Variants in RSRC2 observed in about 807,000 individuals in gnomAD.
The protein encoded by RSRC2 is arginine and serine rich coiled-coil 2.
Under a neutral mutation model 61.3 loss-of-function variants are expected in RSRC2, and 5 were observed. The ratio of observed to expected loss-of-function variants is 0.08; its 90% CI spans 0.04 to 0.17. The LOEUF is 0.17. Ranked by LOEUF, RSRC2 falls within the 10% of genes least tolerant of loss-of-function variation. The probability of loss-of-function intolerance (pLI) is 1.00; values close to 1 mark genes in which losing one functional copy is unlikely to be tolerated. For synonymous variants in RSRC2, 202 were observed against 166.5 expected (o/e 1.21, Z -1.64); for missense variants, 381 against 518.8 (o/e 0.73, Z 2.58).
In RSRC2 at chr12:122,517,141, C is replaced by T. The variant is rs1355500278; in HGVS notation, c.602+86G>A. 1.9e-6 allele frequency: 3 copies of T among 1,577,308 alleles called. No individual in the cohort carries two copies. In the African/African-American group the frequency reaches 4.1e-5, roughly 21 times the overall value. On this transcript the variant is annotated intron_variant, in intron 5 of 9. Coordinates refer to ENST00000331738, the MANE Select transcript of RSRC2 (RefSeq NM_023012.6). Reference sequence around the variant, plus strand: ...ATAATCTATAAATAGAATTGTGACTCACAATTTTAATACTCTCTTACTGAG... The same window carrying T: ...ATAATCTATAAATAGAATTGTGACTTACAATTTTAATACTCTCTTACTGAG...
chr12:122,509,009 T>C (rs1339329656), intron 7 of RSRC2, among the ~76,000 whole-genome samples: 4 of 151,714 alleles, frequency 2.6e-5, no homozygotes, highest in Non-Finnish European at 5.9e-5. Flanking sequence ...ATTCTGCAAA[T>C]AGTAAGAAAG....
chr12:122,509,056 G>A (rs1422262043), intron 7 of RSRC2, among the ~76,000 whole-genome samples: 3 of 151,996 alleles, frequency 2.0e-5, no homozygotes, highest in Non-Finnish European at 4.4e-5. Flanking sequence ...GTGTTTCTAA[G>A]GTATAATTAC....
chr12:122,513,122 A>G lies in RSRC2; in HGVS notation c.726-1934T>C, dbSNP rs555723160. The stretch of plus-strand genomic sequence containing the variant: ...AGGCACGAGAATTGCCTGAACCCAG[A>G]AGGCAGAGGTTGCAGTGAGCCAAGA... On this transcript the variant is annotated intron_variant, in intron 6 of 9. Coordinates refer to ENST00000331738, the MANE Select transcript of RSRC2 (RefSeq NM_023012.6). 7.9e-5 allele frequency among the ~76,000 whole-genome samples: 12 copies of G among 151,834 alleles called. No individual in the cohort carries two copies. The East Asian group carries it at 2.3e-3, about 29-fold the overall frequency.
In RSRC2 at chr12:122,505,438, C is replaced by A; in HGVS notation, c.*89G>T. 1.7e-6 allele frequency: 2 copies of A among 1,211,022 alleles called. No individual in the cohort carries two copies. Among genetic ancestry groups the A allele is most frequent in the Non-Finnish European group, 2.3e-6 (2 of 852,518 alleles). 75.0% of individuals were successfully genotyped at this position (1,211,022 alleles called of 1,614,324 possible). On this transcript the variant is annotated 3_prime_UTR_variant, in exon 10 of 10. Coordinates refer to ENST00000331738, the MANE Select transcript of RSRC2 (RefSeq NM_023012.6). ...AATTAAAGTCAATGCAACACCCATGCAAGCTAGAGTGCTAGCTGTTTGGTG... is the reference window on the plus strand; with the variant it reads ...AATTAAAGTCAATGCAACACCCATGAAAGCTAGAGTGCTAGCTGTTTGGTG...
chr12:122,505,456 G>C lies in RSRC2; in HGVS notation c.*71C>G. On this transcript the variant is annotated 3_prime_UTR_variant, in exon 10 of 10. Transcript: ENST00000331738. ...ACCCATGCAAGCTAGAGTGCTAGCT[G>C]TTTGGTGAACAAGGACGTGACATCA... 1 of 1,430,204 alleles carries C rather than the reference G, an allele frequency of 7.0e-7. No homozygotes were observed. Among genetic ancestry groups the C allele is most frequent in the Non-Finnish European group, 9.7e-7 (1 of 1,035,708 alleles). The allele number at this position is 1,430,204 out of a possible 1,614,324, so 88.6% of individuals were successfully genotyped here. A position where few individuals can be genotyped will look rare whatever the true frequency, so the allele number is the denominator to read the frequency against.
chr12:122,520,187 T>C (rs945198371), intron 3 of RSRC2: 1 of 216,392 alleles, frequency 4.6e-6, no homozygotes, highest in Non-Finnish European at 9.5e-6. Flanking sequence ...TTTTGGAACA[T>C]GCATGATGAT....
chr12:122,516,577 C>T (rs1312469830), intron 5 of RSRC2, among the ~76,000 whole-genome samples: 1 of 152,190 alleles, frequency 6.6e-6, no homozygotes, highest in Non-Finnish European at 1.5e-5. Context: ...CTTCTGAGAA[C>T]TAGATGAGCT....
intron 4 of RSRC2, 150 bp downstream of exon 4, chr12:122,518,689 G>A (rs564422656): frequency 2.9e-6 from 2 of 690,038 alleles, no homozygotes; most frequent in South Asian, 3.6e-5. Context: ...AGAAAGCAAA[G>A]CCCAAAGGCA....
At chr12:122,526,462 G>A (rs567843609) in intron 1 of RSRC2, among the ~76,000 whole-genome samples, 3 of 151,784 alleles carry the variant, frequency 2.0e-5, no homozygotes, top group East Asian at 1.9e-4. Context: ...ACTTTTCAGA[G>A]ACCACTCCTG....
chr12:122,512,085 C>T (rs570690379), intron 6 of RSRC2, among the ~76,000 whole-genome samples: 4 of 152,118 alleles, frequency 2.6e-5, no homozygotes, highest in Non-Finnish European at 5.9e-5. Flanking sequence ...GCATTACAGG[C>T]GTGAGCCACC....
In RSRC2 at chr12:122,504,954, G is replaced by A. The variant is rs1958029739; in HGVS notation, c.*573C>T. 1 of 152,576 alleles carries A rather than the reference G, an allele frequency of 6.6e-6. No homozygotes were observed. The highest frequency in any genetic ancestry group is 1.5e-5 in the Non-Finnish European group (1 of 68,044). The allele number at this position is 152,576 out of a possible 1,614,324, so 9.5% of individuals were successfully genotyped here. On this transcript the variant is annotated 3_prime_UTR_variant, in exon 10 of 10. Transcript: ENST00000331738. ...CTGGCCTTAAAAAGGGTGGTGGGGA[G>A]GGGATTTCTAGCTAGTGTTTTCTAA...
chr12:122,526,786 C>T, intron 1 of RSRC2, 62 bp downstream of exon 1: 4 of 1,590,748 alleles, frequency 2.5e-6, no homozygotes, highest in Admixed American at 1.7e-5. Context: ...GGGAGCCGTT[C>T]ACCCACTGTT....
Position 122,504,762 on chromosome 12 carries a change from C to T in RSRC2, c.*765G>A, listed in dbSNP as rs1357389152. 1 of 152,648 alleles carries T rather than the reference C, an allele frequency of 6.6e-6. No individual in the cohort carries two copies. The highest frequency in any genetic ancestry group is 1.5e-5 in the Non-Finnish European group (1 of 68,040). The allele number at this position is 152,648 out of a possible 1,614,324, so 9.5% of individuals were successfully genotyped here. On this transcript the variant is annotated 3_prime_UTR_variant, in exon 10 of 10. Transcript: ENST00000331738. ...CACTTTATTAAAATAAAAGTGCTTA[C>T]ATCCCTTTAATGCATTAATCTATCT...
Position 122,511,024 on chromosome 12 carries a change from G to C in RSRC2, c.805+85C>G, listed in dbSNP as rs140837705. 9.5e-4 allele frequency: 928 copies of C among 979,872 alleles called. 6 individuals are homozygous for C. In the African/African-American group the frequency reaches 0.013, roughly 14 times the overall value. The allele number at this position is 979,872 out of a possible 1,614,324, so 60.7% of individuals were successfully genotyped here. A position where few individuals can be genotyped will look rare whatever the true frequency, so the allele number is the denominator to read the frequency against. ...TGCTGGAGCCACTGCACTCCAGTCA[G>C]AATGACAGAGCAAATCCCTGTGAAA... is the stretch of plus-strand genomic sequence containing the variant. On this transcript the variant is annotated intron_variant, in intron 7 of 9. Transcript: ENST00000331738.
In RSRC2 at chr12:122,505,444, A is replaced by G. The variant is rs1958055377; in HGVS notation, c.*83T>C. ...AGTCAATGCAACACCCATGCAAGCT[A>G]GAGTGCTAGCTGTTTGGTGAACAAG... On this transcript the variant is annotated 3_prime_UTR_variant, in exon 10 of 10. Coordinates refer to ENST00000331738, the MANE Select transcript of RSRC2 (RefSeq NM_023012.6). 3.9e-6 allele frequency: 5 copies of G among 1,287,552 alleles called. No individual in the cohort carries two copies. Among genetic ancestry groups the G allele is most frequent in the Middle Eastern group, 1.9e-4 (1 of 5,214 alleles). 79.8% of individuals were successfully genotyped at this position (1,287,552 alleles called of 1,614,324 possible).
rs949028606 is a variant in RSRC2 at position 122,514,250 on chromosome 12, TTGTG to T, written c.725+851_725+854del. Among the ~76,000 whole-genome samples the T allele has an allele frequency of 3.0e-3, 429 of 143,648 alleles. 30 individuals are homozygous for T. The highest frequency in any genetic ancestry group is 0.018 in the Middle Eastern group (5 of 280). The allele number at this position is 143,648 out of a possible 152,430, so 94.2% of individuals were successfully genotyped here. On this transcript the variant is annotated intron_variant, in intron 6 of 9. Transcript: ENST00000331738. ...CTTTGAAACAGCAGAAAATTTATTTTTGTGTGTGTGTGTGTGTGTGTTTTTTTTT... is the reference window on the plus strand; with the variant it reads ...CTTTGAAACAGCAGAAAATTTATTTTTGTGTGTGTGTGTGTGTTTTTTTTT...
chr12:122,514,841 A>C (rs1029253856), intron 6 of RSRC2: 1 of 722,576 alleles, frequency 1.4e-6, no homozygotes, highest in Admixed American at 3.9e-5. Context: ...TGCAAACTGA[A>C]AATATTTGGG....
intron 6 of RSRC2, among the ~76,000 whole-genome samples, chr12:122,512,941 C>T (rs1270855343): frequency 6.6e-6 from 1 of 151,998 alleles, no homozygotes; most frequent in East Asian, 1.9e-4. Flanking sequence ...GCCTGTAATC[C>T]TAGCACTTTG....
chr12:122,513,246 AAATAAAAT>A lies in RSRC2; in HGVS notation c.725+1851_725+1858del, dbSNP rs1256494314. Among the ~76,000 whole-genome samples the A allele has an allele frequency of 9.7e-5, 4 of 41,272 alleles. No individual in the cohort carries two copies. In the East Asian group the frequency reaches 2.8e-3, roughly 28 times the overall value. The allele number at this position is 41,272 out of a possible 152,430, so 27.1% of individuals were successfully genotyped here. ...AAATAAATAAATAAATAAATAAATA[AAATAAAAT>A]AAAAATAAAAAATAAAAAAAGTAGG... On this transcript the variant is annotated intron_variant, in intron 6 of 9. Transcript: ENST00000331738.
Sources: allele counts gnomAD v4.1 joint callset (sites outside exome capture counted in the v4.1 genomes callset), GRCh38; gene constraint gnomAD v4.1.1; transcripts MANE v1.5; gene names NCBI Gene and HGNC (gene_info 2026-07-23, HGNC 2026-07-21).